Variants in GMDS observed in about 807,000 individuals in gnomAD.
GMDS encodes GDP-mannose 4,6 dehydratase.
A neutral mutation model predicts 49.9 loss-of-function variants in GMDS; 20 were observed. That is an observed-to-expected ratio of 0.40 (90% CI 0.28 to 0.58). The LOEUF (loss-of-function observed/expected upper bound fraction) is 0.58, where lower values mean the gene tolerates loss of function less well. Ranked by LOEUF, GMDS falls within the 20% of genes least tolerant of loss-of-function variation. The pLI, the probability that GMDS is intolerant of heterozygous loss-of-function variation, is 0.42. For synonymous variants in GMDS, 177 were observed against 178.6 expected, an observed-to-expected ratio of 0.99 and a Z score of 0.07; for missense variants, 362 against 481.4, an observed-to-expected ratio of 0.75 and a Z score of 2.32.
chr6:1,704,342 A>T (rs911432857), intron 9 of GMDS, among the ~76,000 whole-genome samples: 3 of 151,234 alleles, frequency 2.0e-5, no homozygotes, highest in African/African-American at 7.3e-5. Flanking sequence ...ACAGGAAACC[A>T]GGTTCTGGGC....
chr6:1,860,766 T>C (rs1023930231), intron 7 of GMDS, among the ~76,000 whole-genome samples: 6 of 152,106 alleles, frequency 3.9e-5, no homozygotes, highest in East Asian at 1.9e-4. Context: ...AGGAACTTGA[T>C]GGGGAAGGCA....
intron 7 of GMDS, among the ~76,000 whole-genome samples, chr6:1,877,644 T>TA (rs60037634): frequency 0.051 from 4,645 of 90,498 alleles, 302 homozygotes; most frequent in African/African-American, 0.17. Flanking sequence ...TCTCAAAAAT[T>TA]AAAAAAAAAA....
chr6:1,884,670 C>T (rs192726852), intron 7 of GMDS, among the ~76,000 whole-genome samples: 1 of 152,162 alleles, frequency 6.6e-6, no homozygotes, highest in African/African-American at 2.4e-5. Flanking sequence ...TGTAAATGTT[C>T]CCAGTCCTCT....
At chr6:1,624,404 C>G (rs1762780379) in intron 10 of GMDS, 68 bp downstream of exon 10, 2 of 1,451,454 alleles carry the variant, frequency 1.4e-6, no homozygotes, top group Non-Finnish European at 1.9e-6. Flanking sequence ...AGGCGCCCGA[C>G]CCTGAGAGCT....
chr6:1,737,711 A>T (rs766919419), intron 8 of GMDS, among the ~76,000 whole-genome samples: 2 of 147,560 alleles, frequency 1.4e-5, no homozygotes, highest in Non-Finnish European at 3.0e-5. Context: ...CGCACACACC[A>T]CAAAGACACA....
At chr6:2,125,647 T>A (rs112143942) in intron 1 of GMDS, among the ~76,000 whole-genome samples, 19 of 149,978 alleles carry the variant, frequency 1.3e-4, no homozygotes, top group African/African-American at 4.4e-4. Flanking sequence ...GGGAACTAGG[T>A]GGGTTGGGGA....
intron 2 of GMDS, 64 bp downstream of exon 2, chr6:2,124,623 G>T: frequency 1.7e-6 from 2 of 1,149,270 alleles, no homozygotes; most frequent in Non-Finnish European, 2.6e-6. Context: ...AGCAGAGGAA[G>T]CATGTGGCCG....
intron 8 of GMDS, among the ~76,000 whole-genome samples, chr6:1,733,670 A>C (rs1368191558): frequency 1.3e-5 from 2 of 152,160 alleles, no homozygotes; most frequent in African/African-American, 4.8e-5. Flanking sequence ...TACAAAAATT[A>C]GCTGGGCCTG....
intron 2 of GMDS, among the ~76,000 whole-genome samples, chr6:2,121,831 C>A (rs543321942): frequency 6.6e-6 from 1 of 152,334 alleles, no homozygotes; most frequent in South Asian, 2.1e-4. Flanking sequence ...ATCACTACCC[C>A]ACCAACCTGG....
chr6:2,015,677 T>G (rs1767844115), intron 4 of GMDS, among the ~76,000 whole-genome samples: 1 of 152,098 alleles, frequency 6.6e-6, no homozygotes, highest in Non-Finnish European at 1.5e-5. Context: ...TTCCAAGATC[T>G]CCACTGGATG....
chr6:2,020,028 A>G (rs545556774), intron 4 of GMDS, among the ~76,000 whole-genome samples: 2 of 152,306 alleles, frequency 1.3e-5, no homozygotes, highest in East Asian at 3.9e-4. Flanking sequence ...CAGAAAAGAT[A>G]TTAGTATATT....
At chr6:1,714,717 A>G (rs1390003156) in intron 9 of GMDS, among the ~76,000 whole-genome samples, 1 of 152,234 alleles carries the variant, frequency 6.6e-6, no homozygotes, top group Non-Finnish European at 1.5e-5. Context: ...CAGAGCCGGC[A>G]ATGCCTCCAG....
At chr6:2,012,417 G>T (rs1767618848) in intron 4 of GMDS, among the ~76,000 whole-genome samples, 1 of 151,894 alleles carries the variant, frequency 6.6e-6, no homozygotes, top group Non-Finnish European at 1.5e-5. Context: ...TAAGTATGAA[G>T]ACAGATTGGT....
intron 2 of GMDS, among the ~76,000 whole-genome samples, chr6:2,117,873 C>A (rs1208830776): frequency 2.0e-5 from 3 of 152,186 alleles, no homozygotes; most frequent in South Asian, 2.1e-4. Context: ...ACAAAAATAT[C>A]TTTTCCATTT....
intron 9 of GMDS, among the ~76,000 whole-genome samples, chr6:1,689,982 G>A (rs2113333091): frequency 6.6e-6 from 1 of 152,210 alleles, no homozygotes; most frequent in Non-Finnish European, 1.5e-5. Flanking sequence ...GTACCCATCT[G>A]TAATCCCACC....
intron 4 of GMDS, among the ~76,000 whole-genome samples, chr6:2,073,450 G>C (rs1335247418): frequency 1.3e-5 from 2 of 152,156 alleles, no homozygotes; most frequent in African/African-American, 2.4e-5. Context: ...GATCAAGTTA[G>C]GGTGTTTGGG....
intron 4 of GMDS, among the ~76,000 whole-genome samples, chr6:1,998,915 A>G (rs1408443508): frequency 6.6e-6 from 1 of 152,152 alleles, no homozygotes; most frequent in Non-Finnish European, 1.5e-5. Flanking sequence ...TATACAACCA[A>G]TGCAAGATAT....
intron 7 of GMDS, among the ~76,000 whole-genome samples, chr6:1,838,881 T>A (rs1469326918): frequency 1.3e-5 from 2 of 152,248 alleles, no homozygotes; most frequent in Non-Finnish European, 2.9e-5. Flanking sequence ...GTATATCTCA[T>A]CTGAAGGTAA....
intron 1 of GMDS, among the ~76,000 whole-genome samples, chr6:2,198,203 A>G (rs1779357733): frequency 6.6e-6 from 1 of 152,214 alleles, no homozygotes; most frequent in Non-Finnish European, 1.5e-5. Flanking sequence ...CAGGAGCTAA[A>G]GGGTAATTTC....
Sources: allele counts gnomAD v4.1 joint callset (sites outside exome capture counted in the v4.1 genomes callset), GRCh38; gene constraint gnomAD v4.1.1; transcripts MANE v1.5; gene names NCBI Gene and HGNC (gene_info 2026-07-23, HGNC 2026-07-21).